The following MYO16 variants were observed in gnomAD, a reference collection of about 807,000 sequenced individuals.
MYO16 encodes the protein unconventional myosin-XVI.
A neutral mutation model predicts 205.3 loss-of-function variants in MYO16; 94 were observed. That is an observed-to-expected ratio of 0.46 (90% CI 0.39 to 0.54). The LOEUF is 0.54. MYO16 is among the 20% of genes least tolerant of loss of function. The pLI is 0.00. For missense variants in MYO16, 2,315 were observed against 2,387.5 expected (o/e 0.97, Z 0.63); for synonymous variants, 988 against 954.0 (o/e 1.04, Z -0.66).
chr13:108,750,562 A>G (rs956299814), intron 4 of MYO16, among the ~76,000 whole-genome samples: 1 of 147,928 alleles, frequency 6.8e-6, no homozygotes, highest in Non-Finnish European at 1.5e-5. Context: ...TGAGGTCAGG[A>G]GTTCGAGACT....
At position 109,206,745 on chromosome 13, in the gene MYO16, C is replaced by G. The variant is rs761944370; in HGVS notation, c.5552C>G (p.Pro1851Arg). 6.2e-7 allele frequency: 1 copy of G among 1,614,166 alleles called. No homozygotes were observed. The highest frequency in any genetic ancestry group is 8.5e-7 in the Non-Finnish European group (1 of 1,180,022). ...CACGCTGAGCCCAGGGTGCCTCCCC[C>G]ACCACCTTGCAAGAAGCCCAGCCTT... ...LHHAEPRVPP[P>R]PPCKKPSLLK... Residue 1851 changes from proline to arginine, a missense_variant, in exon 35 of 35, where the codon CCA (proline) becomes CGA (arginine). This residue lies in a region of MYO16 where 1,097 missense variants were observed against 1,092.0 expected (regional missense o/e 1.00). Coordinates refer to ENST00000457511, the MANE Select transcript of MYO16 (RefSeq NM_001198950.3).
intron 16 of MYO16, among the ~76,000 whole-genome samples, chr13:108,950,400 C>G (rs73616441): frequency 6.6e-6 from 1 of 151,974 alleles, no homozygotes; most frequent in African/African-American, 2.4e-5. Context: ...GATATTTCAC[C>G]AAATATGAAT....
chr13:108,689,979 T>C (rs752744133), intron 2 of MYO16, among the ~76,000 whole-genome samples: 12 of 152,226 alleles, frequency 7.9e-5, no homozygotes, highest in Non-Finnish European at 1.8e-4. Flanking sequence ...TTGCCAAATG[T>C]ATATATGAAC....
At chr13:108,554,157 C>T in the MYO16 span, among the ~76,000 whole-genome samples, 38 of 151,918 alleles carry the variant, frequency 2.5e-4, no homozygotes, top group South Asian at 5.4e-3. Flanking sequence ...CTTAACTTGA[C>T]GACAAATTAC....
intron 1 of MYO16, among the ~76,000 whole-genome samples, chr13:108,622,269 C>G (rs949502629): frequency 1.3e-5 from 2 of 152,112 alleles, no homozygotes; most frequent in Non-Finnish European, 2.9e-5. Flanking sequence ...ATAGTCACAT[C>G]GTGATGGTTG....
chr13:108,962,982 A>T (rs1883645240), intron 19 of MYO16, among the ~76,000 whole-genome samples: 1 of 152,256 alleles, frequency 6.6e-6, no homozygotes, highest in African/African-American at 2.4e-5. Context: ...AGAGGGGAAA[A>T]CTAAAATTCA....
chr13:108,753,382 A>AC (rs1566587626), intron 4 of MYO16, among the ~76,000 whole-genome samples: 18 of 151,230 alleles, frequency 1.2e-4, no homozygotes, highest in African/African-American at 3.9e-4. Flanking sequence ...AAAAAAAAAA[A>AC]AAAAAAAAAA....
intron 4 of MYO16, among the ~76,000 whole-genome samples, chr13:108,763,787 TTGTGTGTG>T (rs56115831): frequency 0.012 from 1,677 of 142,616 alleles, 12 homozygotes; most frequent in African/African-American, 0.026. Flanking sequence ...AGAAAAGGAG[TTGTGTGTG>T]TGTGTGTGTG....
chr13:108,531,231 T>C, the MYO16 span, among the ~76,000 whole-genome samples: 1 of 152,180 alleles, frequency 6.6e-6, no homozygotes, highest in Non-Finnish European at 1.5e-5. Context: ...TATTAAGGAT[T>C]AGTGTCTTTG....
At chr13:108,759,751 G>A (rs1594271729) in intron 4 of MYO16, among the ~76,000 whole-genome samples, 1 of 151,622 alleles carries the variant, frequency 6.6e-6, no homozygotes, top group Non-Finnish European at 1.5e-5. Context: ...AACCCAGGAG[G>A]CGGAGTTGCA....
At chr13:109,177,548 T>C (rs1405258517) in intron 33 of MYO16, among the ~76,000 whole-genome samples, 1 of 152,154 alleles carries the variant, frequency 6.6e-6, no homozygotes, top group Non-Finnish European at 1.5e-5. Flanking sequence ...AGATGGAGTC[T>C]CACTCTGTCA....
At chr13:108,582,721 A>G in the MYO16 span, among the ~76,000 whole-genome samples, 28 of 152,162 alleles carry the variant, frequency 1.8e-4, no homozygotes, top group Admixed American at 2.6e-4. Context: ...TGTGTTTTGG[A>G]GATGGGGTGG....
chr13:108,510,436 TTTTTTATATTTAACATTGATAGCTG>T, the MYO16 span, among the ~76,000 whole-genome samples: 34 of 138,252 alleles, frequency 2.5e-4, 3 homozygotes, highest in South Asian at 4.8e-4. Flanking sequence ...TTTTTTTTTT[TTTTTTATATTTAACATTGATAGCTG>T]TTTTTTTTTT....
chr13:109,049,885 A>C (rs75834273), intron 24 of MYO16, among the ~76,000 whole-genome samples: 5,213 of 132,768 alleles, frequency 0.039, 129 homozygotes, highest in South Asian at 0.065. Flanking sequence ...CTTTCTTTCT[A>C]TCTCTTTCCA....
intron 20 of MYO16, among the ~76,000 whole-genome samples, chr13:108,967,129 T>A (rs1423763071): frequency 1.3e-5 from 2 of 151,240 alleles, no homozygotes; most frequent in Admixed American, 6.6e-5. Flanking sequence ...ACATATAGTA[T>A]ACAGACATGT....
chr13:109,017,493 T>G (rs1277361909), intron 22 of MYO16, among the ~76,000 whole-genome samples: 1 of 152,164 alleles, frequency 6.6e-6, no homozygotes, highest in Admixed American at 6.5e-5. Flanking sequence ...CTGTATTTCC[T>G]GAATTTGAAT....
intron 23 of MYO16, among the ~76,000 whole-genome samples, chr13:109,040,169 G>C (rs1322490409): frequency 1.3e-5 from 2 of 152,006 alleles, no homozygotes; most frequent in African/African-American, 4.8e-5. Flanking sequence ...TTTAAGAAAT[G>C]AATTTGTAAT....
the MYO16 span, among the ~76,000 whole-genome samples, chr13:108,517,160 C>T: frequency 6.6e-6 from 1 of 152,114 alleles, no homozygotes; most frequent in Non-Finnish European, 1.5e-5. Flanking sequence ...AAACTTCTGG[C>T]TTCAAGTGAT....
rs1389697122 is a variant in MYO16, at chr13:109,162,092, AAAAC to A, written c.5165-2805_5165-2802del. Among the ~76,000 whole-genome samples the A allele has an allele frequency of 6.6e-6, 1 of 152,242 alleles. No individual in the cohort carries two copies. Among genetic ancestry groups the A allele is most frequent in the Non-Finnish European group, 1.5e-5 (1 of 68,048 alleles). On this transcript the variant is annotated intron_variant, in intron 32 of 34. Coordinates refer to ENST00000457511, the MANE Select transcript of MYO16 (RefSeq NM_001198950.3). This position sits in a 1 kb window ranked among gnomAD's most constrained non-coding sequence, Gnocchi z 4.6. ...AGTGAGAGACTCTGCCTCAAAAAAC[AAAAC>A]AAAGCCCAAAAAACATGTCTTGGCT... is the stretch of plus-strand genomic sequence containing the variant.
Sources: gnomAD v4.1 joint callset for allele counts (sites outside exome capture counted in the v4.1 genomes callset) on GRCh38, gnomAD v4.1.1 for gene constraint, gnomAD v4.1.1 regional missense constraint, Gnocchi (gnomAD v3.1) non-coding constraint, MANE v1.5 for transcripts, NCBI Gene and HGNC (gene_info 2026-07-23, HGNC 2026-07-21) for gene names.